Variants in MAP3K11 observed in about 807,000 individuals in gnomAD.
MAP3K11 encodes the protein mitogen-activated protein kinase kinase kinase 11.
MAP3K11 carries 46 observed loss-of-function variants against 84.9 expected under a neutral mutation model. The observed-to-expected ratio is 0.54, with a 90% confidence interval of 0.43 to 0.69. MAP3K11 has a LOEUF of 0.69. Ranked by LOEUF, MAP3K11 falls within the 30% of genes least tolerant of loss-of-function variation. The pLI, the probability that MAP3K11 is intolerant of heterozygous loss-of-function variation, is 0.00. For synonymous variants in MAP3K11, 527 were observed against 514.7 expected (o/e 1.02, Z -0.32); for missense variants, 1,053 against 1,198.3 (o/e 0.88, Z 1.79).
intron 1 of MAP3K11, chr11:65,612,567 A>G (rs2135374538): frequency 6.3e-6 from 1 of 157,520 alleles, no homozygotes; most frequent in South Asian, 2.0e-4. Flanking sequence ...CTTAGCCTTG[A>G]CTGCCAAGGA....
intron 5 of MAP3K11, 68 bp downstream of exon 5, chr11:65,607,202 A>C (rs951417875): frequency 4.2e-6 from 6 of 1,414,424 alleles, no homozygotes; most frequent in East Asian, 5.7e-5. Context: ...CGCGGTGAGC[A>C]CACAGGCCTG....
In MAP3K11 at chr11:65,600,912, C is replaced by T. The variant is rs150927129; in HGVS notation, c.1832-1144G>A. On this transcript the variant is annotated intron_variant, in intron 8 of 9. Transcript: ENST00000309100. ...ATGAACCAGGACTTAGCTCACAGTC[C>T]CTTCTGTCAGCCCCAACCCTTACTC... 5.6e-3 allele frequency among the ~76,000 whole-genome samples: 855 copies of T among 152,264 alleles called. 9 individuals are homozygous for T. The highest frequency in any genetic ancestry group is 0.02 in the African/African-American group (819 of 41,516).
chr11:65,606,866 A>G, intron 5 of MAP3K11, 62 bp from the exon 6 acceptor site: 6 of 1,105,398 alleles, frequency 5.4e-6, no homozygotes, highest in Non-Finnish European at 8.1e-6. Context: ...CAGGACCCCA[A>G]CCTGCAGGGG....
intron 5 of MAP3K11, 171 bp downstream of exon 5, chr11:65,607,099 A>C: frequency 2.1e-6 from 2 of 955,710 alleles, no homozygotes; most frequent in Admixed American, 3.9e-5. Flanking sequence ...TTCCGCCAGA[A>C]CCCGCCCACA....
At chr11:65,607,900 C>G in intron 3 of MAP3K11, 22 bp downstream of exon 3, 10 of 1,611,412 alleles carry the variant, frequency 6.2e-6, no homozygotes, top group Non-Finnish European at 8.5e-6. Context: ...CTGTACCTCA[C>G]CTGCCCTCCC....
At chr11:65,610,304 T>TCCTGAAC (rs1565145513) in intron 1 of MAP3K11, 1 of 152,130 alleles carries the variant, frequency 6.6e-6, no homozygotes, top group Non-Finnish European at 1.5e-5. Context: ...TGGAGCTGAG[T>TCCTGAAC]CCTGAACACT....
chr11:65,607,328 T>C lies in MAP3K11; in HGVS notation c.1431A>G (p.Thr477=), dbSNP rs1056067298. 4.6e-6 allele frequency: 7 copies of C among 1,515,010 alleles called. No individual in the cohort carries two copies. The highest frequency in any genetic ancestry group is 5.3e-6 in the Non-Finnish European group (6 of 1,140,748). The allele number at this position is 1,515,010 out of a possible 1,614,324, so 93.8% of individuals were successfully genotyped here. A position where few individuals can be genotyped will look rare whatever the true frequency, so the allele number is the denominator to read the frequency against. ...GCGCCCGGAGCTTGCTGCGCTTGAA[T>C]GTCCCGCGGCGGCGGCGCACGTGCG... ...ERPHVRRRRG[T]FKRSKLRARD... Residue 477 remains threonine, a synonymous_variant, in exon 5 of 10, where the codon ACA becomes ACG. Coordinates refer to ENST00000309100, the MANE Select transcript of MAP3K11 (RefSeq NM_002419.4).
At chr11:65,601,973 G>A (rs930022667) in intron 8 of MAP3K11, among the ~76,000 whole-genome samples, 9 of 149,048 alleles carry the variant, frequency 6.0e-5, no homozygotes, top group Admixed American at 6.7e-5. Flanking sequence ...GGAGGCCAAG[G>A]TGGGCGGATC....
chr11:65,602,814 A>G (rs1427564094), intron 8 of MAP3K11, among the ~76,000 whole-genome samples: 1 of 151,922 alleles, frequency 6.6e-6, no homozygotes, highest in East Asian at 1.9e-4. Context: ...AAAAAAAAAA[A>G]AAGAAAATAG....
Position 65,607,788 on chromosome 11 carries a change from C to T in MAP3K11, c.1098G>A (p.Arg366=), listed in dbSNP as rs140685074. 1.6e-5 allele frequency: 25 copies of T among 1,612,486 alleles called. No homozygotes were observed. The highest frequency in any genetic ancestry group is 3.3e-5 in the Admixed American group (2 of 59,980). The change falls in exon 4 of 10, where the codon AGG becomes AGA. Residue 366 remains arginine, a synonymous_variant. Transcript: ENST00000309100. ...GCTGCAGGATGGAGGCGAAGTCGGG[C>T]CTGCGGTGGGGGTCCTGCGCCCAGC... ...ADCWAQDPHR[R]PDFASILQQL...
intron 9 of MAP3K11, among the ~76,000 whole-genome samples, chr11:65,599,108 C>T (rs1029626757): frequency 2.6e-5 from 4 of 152,172 alleles, no homozygotes; most frequent in East Asian, 1.9e-4. Context: ...TCAAGGCTCA[C>T]GTGATCCTCC....
At position 65,607,716 on chromosome 11, in the gene MAP3K11, G is replaced by T. The variant is rs1010931488; in HGVS notation, c.1170C>A (p.Asp390Glu). 1.2e-6 allele frequency: 2 copies of T among 1,613,812 alleles called. No individual in the cohort carries two copies. The highest frequency in any genetic ancestry group is 1.7e-6 in the Non-Finnish European group (2 of 1,179,924). ...EAQVLREMPR[D>E]SFHSMQEGWK... Reference sequence around the variant, plus strand: ...AGCCTTCCTGCATGGAATGGAAGGAGTCCCGCGGCATTTCCCGTAGGACCT... The same window carrying T: ...AGCCTTCCTGCATGGAATGGAAGGATTCCCGCGGCATTTCCCGTAGGACCT... The change falls in exon 4 of 10, where the codon GAC becomes GAA. Residue 390 changes from aspartate to glutamate, a missense_variant. Around this residue, in one of 3 missense-constraint regions of MAP3K11, gnomAD observed 310 missense variants for 464.5 expected, o/e 0.67. Coordinates refer to ENST00000309100, the MANE Select transcript of MAP3K11 (RefSeq NM_002419.4).
Position 65,607,341 on chromosome 11 carries a change from C to A in MAP3K11, c.1418G>T (p.Arg473Leu). 1 of 1,505,748 alleles carries A rather than the reference C, an allele frequency of 6.6e-7. No individual in the cohort carries two copies. The highest frequency in any genetic ancestry group is 8.8e-7 in the Non-Finnish European group (1 of 1,136,138). The allele number at this position is 1,505,748 out of a possible 1,614,324, so 93.3% of individuals were successfully genotyped here. ...GCTGCGCTTGAATGTCCCGCGGCGG[C>A]GGCGCACGTGCGGTCGCTCGCGGTC... ...QVDRERPHVR[R>L]RRGTFKRSKL... The change falls in exon 5 of 10, where the codon CGC becomes CTC. Residue 473 changes from arginine to leucine, a missense_variant. By Grantham distance (102) the Arg-to-Leu change is moderately radical (BLOSUM62 -2). This residue lies in a region of MAP3K11 where 583 missense variants were observed against 566.6 expected (regional missense o/e 1.03). Transcript: ENST00000309100.
At chr11:65,606,922 TGA>T in intron 5 of MAP3K11, 118 bp from the exon 6 acceptor site, 1 of 659,796 alleles carries the variant, frequency 1.5e-6, no homozygotes, top group Non-Finnish European at 2.6e-6. Context: ...ACGATGGCTG[TGA>T]GACTGTGACC....
chr11:65,607,241 C>T (rs1322894184), intron 5 of MAP3K11, 29 bp downstream of exon 5: 8 of 1,452,650 alleles, frequency 5.5e-6, no homozygotes, highest in Admixed American at 2.7e-5. Flanking sequence ...CAGCCAATGG[C>T]GGGGGACGCC....
At chr11:65,602,263 G>C (rs1277680112) in intron 8 of MAP3K11, among the ~76,000 whole-genome samples, 5 of 149,674 alleles carry the variant, frequency 3.3e-5, no homozygotes, top group Admixed American at 2.0e-4. Flanking sequence ...TATAATCCCA[G>C]CACTTTGGGA....
Position 65,608,006 on chromosome 11 carries a change from C to G in MAP3K11, c.985G>C (p.Ala329Pro). The G allele has an allele frequency of 4.3e-6, 7 of 1,614,214 alleles. No homozygotes were observed. The highest frequency in any genetic ancestry group is 5.9e-6 in the Non-Finnish European group (7 of 1,180,034). The change falls in exon 3 of 10, where the codon GCT (alanine) becomes CCT (proline). Residue 329 changes from alanine to proline, a missense_variant. Physicochemically the swap from Ala to Pro is conservative, Grantham distance 27. Transcript: ENST00000309100. ...EVPYRGIDCL[A>P]VAYGVAVNKL... ...TTAACAGCTACGCCATAGGCCACAGCAAGGCAGTCAATGCCACGGTATGGC... is the reference window on the plus strand; with the variant it reads ...TTAACAGCTACGCCATAGGCCACAGGAAGGCAGTCAATGCCACGGTATGGC...
At chr11:65,606,583 G>A (rs990893792) in intron 6 of MAP3K11, 108 bp downstream of exon 6, 50 of 758,130 alleles carry the variant, frequency 6.6e-5, no homozygotes, top group Admixed American at 1.1e-4. Flanking sequence ...GAGCCTGGGG[G>A]CGGGGAGGAA....
chr11:65,603,013 G>A (rs1854471643), intron 8 of MAP3K11, among the ~76,000 whole-genome samples: 1 of 152,192 alleles, frequency 6.6e-6, no homozygotes, highest in Non-Finnish European at 1.5e-5. Flanking sequence ...TGAGGTGGGA[G>A]GATCACTTGA....
Sources: allele counts gnomAD v4.1 joint callset (sites outside exome capture counted in the v4.1 genomes callset), GRCh38; gene constraint gnomAD v4.1.1; regional missense constraint gnomAD v4.1.1; transcripts MANE v1.5; gene names NCBI Gene and HGNC (gene_info 2026-07-23, HGNC 2026-07-21).